The following NCOA1 variants were observed in gnomAD, a reference collection of about 807,000 sequenced individuals.
The protein encoded by NCOA1 is Hin-2 protein.
NCOA1 carries 35 observed loss-of-function variants against 150.9 expected under a neutral mutation model. That is an observed-to-expected ratio of 0.23 (90% CI 0.18 to 0.31). NCOA1 has a LOEUF of 0.31. NCOA1 is among the 10% of genes least tolerant of loss of function. NCOA1 has a pLI of 1.00. For synonymous variants in NCOA1, 590 were observed against 630.0 expected, an observed-to-expected ratio of 0.94 and a Z score of 0.95; for missense variants, 1,491 against 1,749.3, an observed-to-expected ratio of 0.85 and a Z score of 2.63.
At chr2:24,592,430 G>A (rs756560801) in intron 3 of NCOA1, among the ~76,000 whole-genome samples, 3 of 152,070 alleles carry the variant, frequency 2.0e-5, no homozygotes, top group Non-Finnish European at 2.9e-5. Context: ...GGGCCTTCTG[G>A]GCTGAGAGAT....
At chr2:24,628,413 C>T (rs1001933249) in intron 3 of NCOA1, among the ~76,000 whole-genome samples, 3 of 151,964 alleles carry the variant, frequency 2.0e-5, no homozygotes. Flanking sequence ...ATGATCAGAG[C>T]TTATTCTCTT....
At chr2:24,574,535 A>G (rs1666871797) in intron 2 of NCOA1, among the ~76,000 whole-genome samples, 1 of 152,170 alleles carries the variant, frequency 6.6e-6, no homozygotes, top group African/African-American at 2.4e-5. Context: ...ACAATTGAGA[A>G]AAGAAAAAAC....
At chr2:24,523,391 G>C (rs2148141052) in intron 1 of NCOA1, among the ~76,000 whole-genome samples, 1 of 151,790 alleles carries the variant, frequency 6.6e-6, no homozygotes, top group South Asian at 2.1e-4. Flanking sequence ...TGGATCACGA[G>C]GTCAGGAGAT....
chr2:24,650,269 T>C (rs1055877902), intron 4 of NCOA1, among the ~76,000 whole-genome samples: 1 of 152,030 alleles, frequency 6.6e-6, no homozygotes, highest in Non-Finnish European at 1.5e-5. Flanking sequence ...CCCATTCAAT[T>C]AGCTTCAAAA....
chr2:24,509,632 G>A (rs1419860140), intron 1 of NCOA1, among the ~76,000 whole-genome samples: 1 of 152,162 alleles, frequency 6.6e-6, no homozygotes, highest in Non-Finnish European at 1.5e-5. Context: ...AAAATTGAGA[G>A]TGATAGAGAT....
At chr2:24,495,308 C>T (rs1169283448) in intron 1 of NCOA1, among the ~76,000 whole-genome samples, 2 of 152,136 alleles carry the variant, frequency 1.3e-5, no homozygotes, top group East Asian at 1.9e-4. Context: ...CCCCATAACC[C>T]CATCTGCAAC....
intron 3 of NCOA1, among the ~76,000 whole-genome samples, chr2:24,612,009 T>A (rs1668651490): frequency 6.6e-6 from 1 of 152,218 alleles, no homozygotes; most frequent in Admixed American, 6.5e-5. Flanking sequence ...TTATAGGGTC[T>A]GTGAGCTGTG....
chr2:24,594,158 T>A lies in NCOA1; in HGVS notation c.-175+9598T>A, dbSNP rs1278474424. On this transcript the variant is annotated intron_variant, in intron 3 of 22. Transcript: ENST00000348332. ...AATTTATAAGTGGAACATTGAAGAA[T>A]CCAGAATTCATGTTGCTGTAAACAT... Among the ~76,000 whole-genome samples, 3 of 152,108 alleles carry A rather than the reference T, an allele frequency of 2.0e-5. No homozygotes were observed. The East Asian group carries it at 5.8e-4, about 29-fold the overall frequency.
intron 2 of NCOA1, among the ~76,000 whole-genome samples, chr2:24,582,146 T>C (rs905793668): frequency 1.3e-5 from 2 of 152,092 alleles, no homozygotes; most frequent in Non-Finnish European, 2.9e-5. Flanking sequence ...GCATCTACAT[T>C]GGAAAAGAGG....
intron 8 of NCOA1, among the ~76,000 whole-genome samples, chr2:24,689,866 T>C (rs1672582394): frequency 1.3e-5 from 2 of 152,202 alleles, no homozygotes. Context: ...CTCTTTAGCC[T>C]ATATATGCTC....
chr2:24,651,936 A>T (rs1398545339), intron 4 of NCOA1, among the ~76,000 whole-genome samples: 1 of 152,076 alleles, frequency 6.6e-6, no homozygotes, highest in African/African-American at 2.4e-5. Context: ...TACTGGTGGG[A>T]ATTTTAAATG....
At chr2:24,500,696 A>G (rs986977783) in intron 1 of NCOA1, among the ~76,000 whole-genome samples, 2 of 152,202 alleles carry the variant, frequency 1.3e-5, no homozygotes, top group Admixed American at 1.3e-4. Context: ...GTATTTTTTC[A>G]CAAAAAGACA....
At chr2:24,509,761 A>G (rs966210081) in intron 1 of NCOA1, among the ~76,000 whole-genome samples, 7 of 152,202 alleles carry the variant, frequency 4.6e-5, no homozygotes, top group African/African-American at 1.4e-4. Context: ...GGTTTAACAG[A>G]GAGAAAGAGT....
At chr2:24,531,436 G>A (rs898129148) in intron 1 of NCOA1, among the ~76,000 whole-genome samples, 6 of 152,066 alleles carry the variant, frequency 3.9e-5, no homozygotes, top group African/African-American at 1.4e-4. Context: ...AACTTGGGTG[G>A]AGCTGGAGGC....
chr2:24,586,673 TCAAACTCTAGGCTCAGG>T (rs1667425765), intron 3 of NCOA1, among the ~76,000 whole-genome samples: 1 of 152,208 alleles, frequency 6.6e-6, no homozygotes, highest in South Asian at 2.1e-4. Flanking sequence ...AAGGCTGCTC[TCAAACTCTAGGCTCAGG>T]CAGTCTGCCT....
At chr2:24,528,458 CA>C (rs1477651097) in intron 1 of NCOA1, among the ~76,000 whole-genome samples, 3 of 150,538 alleles carry the variant, frequency 2.0e-5, no homozygotes, top group African/African-American at 4.9e-5. Flanking sequence ...GTGATCCTCT[CA>C]CCATAGCCTC....
chr2:24,551,744 T>C lies in NCOA1; in HGVS notation c.-395-12551T>C, dbSNP rs549552358. ...GGCTAACCTGCAATCCCAAAGATTT[T>C]CTTCTATGTTTTCCTAAGTTGTATA... On this transcript the variant is annotated intron_variant, in intron 1 of 22. Transcript: ENST00000348332. 2.0e-5 allele frequency among the ~76,000 whole-genome samples: 3 copies of C among 152,356 alleles called. No individual in the cohort carries two copies. In the East Asian group the frequency reaches 5.8e-4, roughly 29 times the overall value.
chr2:24,733,134 G>A (rs1177079101), intron 17 of NCOA1, among the ~76,000 whole-genome samples: 1 of 152,190 alleles, frequency 6.6e-6, no homozygotes, highest in East Asian at 1.9e-4. Flanking sequence ...ATGGCTGCGG[G>A]TTGGCAATAA....
intron 13 of NCOA1, among the ~76,000 whole-genome samples, chr2:24,708,547 A>G (rs181704353): frequency 6.6e-6 from 1 of 152,300 alleles, no homozygotes; most frequent in East Asian, 1.9e-4. Context: ...GTAAACAGGT[A>G]TCTTCATTTA....
Sources: gnomAD v4.1 joint callset for allele counts (sites outside exome capture counted in the v4.1 genomes callset) on GRCh38, gnomAD v4.1.1 for gene constraint, MANE v1.5 for transcripts, NCBI Gene and HGNC (gene_info 2026-07-23, HGNC 2026-07-21) for gene names.